The following CSMD2 variants were observed in gnomAD, a reference collection of about 807,000 sequenced individuals.
CSMD2 encodes CUB and Sushi multiple domains 2.
A neutral mutation model predicts 398.5 loss-of-function variants in CSMD2; 130 were observed. That is an observed-to-expected ratio of 0.33 (90% CI 0.28 to 0.38). The LOEUF (loss-of-function observed/expected upper bound fraction) is 0.38, where lower values mean the gene tolerates loss of function less well. CSMD2 is among the 10% of genes least tolerant of loss of function. CSMD2 has a pLI of 1.00. For missense variants in CSMD2, 3,829 were observed against 4,764.9 expected, an observed-to-expected ratio of 0.80 and a Z score of 5.78; for synonymous variants, 1,828 against 1,908.5, an observed-to-expected ratio of 0.96 and a Z score of 1.10.
intron 5 of CSMD2, among the ~76,000 whole-genome samples, chr1:33,908,058 C>G (rs1412220711): frequency 7.3e-6 from 1 of 136,486 alleles, no homozygotes; most frequent in Non-Finnish European, 1.5e-5. Context: ...TGCACTCCAG[C>G]CTGGCTGACA....
Position 33,918,294 on chromosome 1 carries a change from A to G in CSMD2, c.720T>C (p.Asp240=), listed in dbSNP as rs756555509. The change falls in exon 5 of 71, where the codon GAT becomes GAC. Residue 240 remains aspartate, a synonymous_variant. Transcript: ENST00000373381. ...DFPLPSCRAD[D]ACGGTLRGQS... is the part of the protein sequence containing the mutation. ...GGCCCCGCAGGGTCCCACCACAGGC[A>G]TCATCAGCTGTGGGCACAGAGAGAA... 6.2e-7 allele frequency: 1 copy of G among 1,613,690 alleles called. No homozygotes were observed. Among genetic ancestry groups the G allele is most frequent in the African/African-American group, 1.3e-5 (1 of 74,936 alleles).
intron 32 of CSMD2, among the ~76,000 whole-genome samples, chr1:33,627,029 G>A (rs1044645553): frequency 6.6e-6 from 1 of 152,188 alleles, no homozygotes; most frequent in African/African-American, 2.4e-5. Context: ...TAGGAAGGAG[G>A]ATGATGTGAT....
intron 2 of CSMD2, among the ~76,000 whole-genome samples, chr1:34,076,208 C>A (rs1294839884): frequency 6.6e-6 from 1 of 152,178 alleles, no homozygotes; most frequent in Non-Finnish European, 1.5e-5. Context: ...CCAGGTGAAG[C>A]TGCCAGTACA....
At chr1:33,987,609 C>T (rs1046592073) in intron 3 of CSMD2, among the ~76,000 whole-genome samples, 1 of 152,154 alleles carries the variant, frequency 6.6e-6, no homozygotes, top group Non-Finnish European at 1.5e-5. Flanking sequence ...AATTATAATT[C>T]CTCTGTGGAT....
rs1402512730 is a variant in CSMD2, at chr1:33,625,044, T to C, written c.5500+7A>G. ...GCACCCTCAACGCCCGGGTCCTGGTTACTCACCCACACACGTGGGCGCTGA... is the reference window on the plus strand; with the variant it reads ...GCACCCTCAACGCCCGGGTCCTGGTCACTCACCCACACACGTGGGCGCTGA... On this transcript the variant is annotated splice_region_variant and intron_variant, in intron 34 of 70. Transcript: ENST00000373381. 6.2e-7 allele frequency: 1 copy of C among 1,613,570 alleles called. No individual in the cohort carries two copies. Among genetic ancestry groups the C allele is most frequent in the Non-Finnish European group, 8.5e-7 (1 of 1,179,828 alleles).
intron 10 of CSMD2, among the ~76,000 whole-genome samples, chr1:33,806,842 AAGAG>A (rs1656288267): frequency 6.6e-6 from 1 of 152,232 alleles, no homozygotes; most frequent in African/African-American, 2.4e-5. Flanking sequence ...AACAGAATGA[AAGAG>A]AGAAAGTATG....
At chr1:33,944,311 G>A (rs1229945283) in intron 3 of CSMD2, among the ~76,000 whole-genome samples, 1 of 152,102 alleles carries the variant, frequency 6.6e-6, no homozygotes, top group East Asian at 1.9e-4. Context: ...GGGACTGTGG[G>A]GCGAGTGGGC....
intron 6 of CSMD2, among the ~76,000 whole-genome samples, chr1:33,843,558 C>T (rs1321105508): frequency 6.6e-6 from 1 of 152,192 alleles, no homozygotes; most frequent in Non-Finnish European, 1.5e-5. Flanking sequence ...CTTCCCCTGC[C>T]CTTCCAGGTC....
intron 1 of CSMD2, among the ~76,000 whole-genome samples, chr1:34,142,168 C>CT (rs1228141879): frequency 6.6e-6 from 1 of 152,182 alleles, no homozygotes; most frequent in African/African-American, 2.4e-5. Context: ...CTGAGCCATT[C>CT]TTTTGCTGCC....
At chr1:33,837,763 A>G (rs751573472) in intron 6 of CSMD2, among the ~76,000 whole-genome samples, 31 of 152,234 alleles carry the variant, frequency 2.0e-4, no homozygotes, top group Non-Finnish European at 4.4e-4. Context: ...AGGACTCCCA[A>G]GGGAAAAGTG....
intron 13 of CSMD2, among the ~76,000 whole-genome samples, chr1:33,771,547 A>ATT (rs201225021): frequency 1.6e-4 from 24 of 149,372 alleles, no homozygotes; most frequent in African/African-American, 5.6e-4. Context: ...GGACAACGTG[A>ATT]TTTTTTTTTT....
chr1:33,609,568 G>A (rs895439689), intron 41 of CSMD2, among the ~76,000 whole-genome samples: 1 of 152,182 alleles, frequency 6.6e-6, no homozygotes, highest in Admixed American at 6.5e-5. Flanking sequence ...GGAGGCTATA[G>A]ACAAAGAGAG....
At chr1:33,643,813 C>T (rs1557666061) in intron 29 of CSMD2, among the ~76,000 whole-genome samples, 1 of 151,496 alleles carries the variant, frequency 6.6e-6, no homozygotes, top group African/African-American at 2.4e-5. Context: ...CTAGGTTCCA[C>T]CAAATGGGCT....
intron 2 of CSMD2, among the ~76,000 whole-genome samples, chr1:34,053,745 A>T (rs2148233384): frequency 6.6e-6 from 1 of 152,276 alleles, no homozygotes; most frequent in African/African-American, 2.4e-5. Flanking sequence ...TTTTGAAAAG[A>T]GTTACTGGGT....
intron 20 of CSMD2, 21 bp from the exon 21 acceptor site, chr1:33,714,796 C>G: frequency 6.2e-7 from 1 of 1,612,274 alleles, no homozygotes; most frequent in Non-Finnish European, 8.5e-7. Flanking sequence ...AGCAGGAGAT[C>G]CGGGCTCAGA....
chr1:34,102,749 A>G (rs180803042), intron 1 of CSMD2, among the ~76,000 whole-genome samples: 1 of 152,272 alleles, frequency 6.6e-6, no homozygotes, highest in East Asian at 1.9e-4. Flanking sequence ...TTTCCCCAGT[A>G]GCCATGGGAC....
chr1:33,845,759 T>C (rs1196007446), intron 6 of CSMD2, among the ~76,000 whole-genome samples: 4 of 152,248 alleles, frequency 2.6e-5, no homozygotes, highest in Non-Finnish European at 5.9e-5. Context: ...AATTAGGCCG[T>C]TCCTAAAAGG....
chr1:33,957,485 A>G (rs1305127729), intron 3 of CSMD2, among the ~76,000 whole-genome samples: 1 of 152,162 alleles, frequency 6.6e-6, no homozygotes, highest in Non-Finnish European at 1.5e-5. Context: ...GACAAGATCA[A>G]TAAGTGTCCA....
At chr1:34,114,184 G>C (rs1661373635) in intron 1 of CSMD2, among the ~76,000 whole-genome samples, 1 of 152,136 alleles carries the variant, frequency 6.6e-6, no homozygotes, top group African/African-American at 2.4e-5. Flanking sequence ...AATTAAGAAA[G>C]TACACATGCA....
Sources: gnomAD v4.1 joint callset for allele counts (sites outside exome capture counted in the v4.1 genomes callset) on GRCh38, gnomAD v4.1.1 for gene constraint, MANE v1.5 for transcripts, NCBI Gene and HGNC (gene_info 2026-07-23, HGNC 2026-07-21) for gene names.